TENM4: variants seen among roughly 807,000 people sequenced by gnomAD.
TENM4 encodes teneurin-4.
A neutral mutation model predicts 243.3 loss-of-function variants in TENM4; 82 were observed. That is an observed-to-expected ratio of 0.34 (90% CI 0.28 to 0.40). The LOEUF (loss-of-function observed/expected upper bound fraction) is 0.40, where lower values mean the gene tolerates loss of function less well. TENM4 is among the 10% of genes least tolerant of loss of function. The pLI, the probability that TENM4 is intolerant of heterozygous loss-of-function variation, is 1.00. For synonymous variants in TENM4, 1,412 were observed against 1,456.3 expected, an observed-to-expected ratio of 0.97 and a Z score of 0.69; for missense variants, 3,138 against 3,673.3, an observed-to-expected ratio of 0.85 and a Z score of 3.77.
chr11:78,879,081 G>A (rs1229321949), intron 9 of TENM4, among the ~76,000 whole-genome samples: 2 of 151,734 alleles, frequency 1.3e-5, no homozygotes, highest in Non-Finnish European at 2.9e-5. Flanking sequence ...CTGCCCGGCT[G>A]CCCCAAATGG....
intron 3 of TENM4, among the ~76,000 whole-genome samples, chr11:79,157,106 G>C (rs938093600): frequency 6.6e-6 from 1 of 152,174 alleles, no homozygotes; most frequent in African/African-American, 2.4e-5. Flanking sequence ...TGTAGTCAGA[G>C]AGGAGATGGG....
chr11:79,168,456 T>A (rs73506688), intron 3 of TENM4, among the ~76,000 whole-genome samples: 54,168 of 151,830 alleles, frequency 0.36, 10,127 homozygotes, highest in African/African-American at 0.45. Context: ...TACTTTCCCA[T>A]AGTGAAAAGT....
intron 1 of TENM4, among the ~76,000 whole-genome samples, chr11:79,424,420 G>A (rs902444785): frequency 3.9e-5 from 6 of 152,128 alleles, no homozygotes; most frequent in Non-Finnish European, 7.4e-5. Flanking sequence ...TGGACAACAT[G>A]GCAAAACCTA....
At chr11:78,958,697 C>A (rs936590770) in intron 6 of TENM4, among the ~76,000 whole-genome samples, 3 of 152,216 alleles carry the variant, frequency 2.0e-5, no homozygotes, top group African/African-American at 7.2e-5. Flanking sequence ...TGGGGTGATG[C>A]TGGAGAGTCC....
At chr11:78,952,182 C>G (rs909724873) in intron 6 of TENM4, among the ~76,000 whole-genome samples, 1 of 152,216 alleles carries the variant, frequency 6.6e-6, no homozygotes, top group African/African-American at 2.4e-5. Context: ...TGAGGGTCAA[C>G]AAGCCTCATT....
At chr11:79,261,266 G>C (rs768123935) in intron 2 of TENM4, among the ~76,000 whole-genome samples, 1 of 152,136 alleles carries the variant, frequency 6.6e-6, no homozygotes, top group African/African-American at 2.4e-5. Context: ...AAACTGAGCT[G>C]AACTAGCAGG....
At chr11:79,328,829 A>T (rs1857016349) in intron 1 of TENM4, among the ~76,000 whole-genome samples, 2 of 152,126 alleles carry the variant, frequency 1.3e-5, no homozygotes, top group Non-Finnish European at 2.9e-5. Context: ...AGCACCTCAC[A>T]GTTTCTTCTT....
At chr11:78,720,315 T>C (rs1387749541) in intron 25 of TENM4, 55 bp downstream of exon 25, 5 of 1,595,388 alleles carry the variant, frequency 3.1e-6, no homozygotes, top group Middle Eastern at 1.7e-4. Flanking sequence ...CAGCTTACCA[T>C]ACAGCATGCA....
At chr11:79,116,602 T>C (rs1042614593) in intron 4 of TENM4, among the ~76,000 whole-genome samples, 1 of 152,376 alleles carries the variant, frequency 6.6e-6, no homozygotes, top group Non-Finnish European at 1.5e-5. Context: ...CAGGGTTTTA[T>C]GTTGAACACA....
chr11:79,299,062 CCA>C (rs61589223), intron 1 of TENM4, among the ~76,000 whole-genome samples: 28,937 of 150,098 alleles, frequency 0.19, 3,198 homozygotes, highest in African/African-American at 0.31. Flanking sequence ...GGTGCTGTAT[CCA>C]CACACACACA....
In TENM4 at chr11:79,405,657, C is replaced by T. The variant is rs117990640; in HGVS notation, c.-321+34852G>A. ...CCCCCACCTTCCATTGTACCATAAA[C>T]GTTTCTCTACATCTCTACAGTTCCC... is the stretch of plus-strand genomic sequence containing the variant. On this transcript the variant is annotated intron_variant, in intron 1 of 33. Transcript: ENST00000278550. 5.3e-5 allele frequency among the ~76,000 whole-genome samples: 8 copies of T among 151,936 alleles called. 1 individual carries two copies. In the East Asian group the frequency reaches 1.4e-3, roughly 26 times the overall value.
chr11:79,226,770 A>G (rs576573520), intron 2 of TENM4, among the ~76,000 whole-genome samples: 12 of 152,236 alleles, frequency 7.9e-5, no homozygotes, highest in Admixed American at 4.6e-4. Context: ...TTCCTCATTT[A>G]TTCTATTCAG....
chr11:79,259,651 A>C (rs1855760844), intron 2 of TENM4, among the ~76,000 whole-genome samples: 1 of 125,114 alleles, frequency 8.0e-6, no homozygotes, highest in South Asian at 2.8e-4. Context: ...CCATCCATCC[A>C]TCCATCTATC....
At chr11:79,415,968 A>T (rs1443280580) in intron 1 of TENM4, among the ~76,000 whole-genome samples, 1 of 151,738 alleles carries the variant, frequency 6.6e-6, no homozygotes, top group Non-Finnish European at 1.5e-5. Context: ...TGTGAAATTT[A>T]ACATAAAAGG....
Position 78,669,618 on chromosome 11 carries a change from C to T in TENM4, c.6727G>A (p.Asp2243Asn), listed in dbSNP as rs1478910963. 8 of 1,613,820 alleles carry T rather than the reference C, an allele frequency of 5.0e-6. No homozygotes were observed. Among genetic ancestry groups the T allele is most frequent in the East Asian group, 2.2e-5 (1 of 44,886 alleles). The part of the protein sequence containing the change: ...RLTPLRYDIR[D>N]RITRLGDVQY... ...ACGTCACCCAGCCGAGTGATGCGGT[C>T]GCGGATGTCATACCGTAGTGGTGTG... is the stretch of plus-strand genomic sequence containing the variant. Residue 2243 changes from aspartate (D) to asparagine (N), a missense_variant, in exon 32 of 34, where the codon GAC (aspartate) becomes AAC (asparagine). Around this residue, in one of 2 missense-constraint regions of TENM4, gnomAD observed 2,467 missense variants for 3,059.1 expected, o/e 0.81. Coordinates refer to ENST00000278550, the MANE Select transcript of TENM4 (RefSeq NM_001098816.3). The surrounding 1 kb of genome is among the most constrained non-coding windows in gnomAD (Gnocchi z 6.4).
chr11:79,093,025 A>G (rs1860997375), intron 4 of TENM4: 1 of 152,232 alleles, frequency 6.6e-6, no homozygotes, highest in Admixed American at 6.5e-5. Context: ...TGCTATACTA[A>G]TTGTGCAATG....
chr11:78,974,182 A>G lies in TENM4; in HGVS notation c.494-70659T>C, dbSNP rs970934520. Reference sequence around the variant, plus strand: ...GGGACTGGTTTATTCATATGGCCACAGGCCACATGGTAATTCCACATATAG... The same window carrying G: ...GGGACTGGTTTATTCATATGGCCACGGGCCACATGGTAATTCCACATATAG... On this transcript the variant is annotated intron_variant, in intron 6 of 33. Transcript: ENST00000278550. Among the ~76,000 whole-genome samples the G allele has an allele frequency of 3.9e-5, 6 of 152,242 alleles. No individual in the cohort carries two copies. In the East Asian group the frequency reaches 1.2e-3, roughly 29 times the overall value.
At chr11:79,372,070 C>G (rs576185197) in intron 1 of TENM4, among the ~76,000 whole-genome samples, 1 of 152,268 alleles carries the variant, frequency 6.6e-6, no homozygotes, top group Non-Finnish European at 1.5e-5. Flanking sequence ...CTCTATCCCC[C>G]TCGTGTATAG....
At chr11:78,758,678 T>C (rs1540125) in intron 18 of TENM4, among the ~76,000 whole-genome samples, 121,330 of 152,192 alleles carry the variant, frequency 0.8, 48,846 homozygotes, top group Non-Finnish European at 0.84. Context: ...AGCTACTTGA[T>C]TGTCCTAAAA....
Sources: allele counts gnomAD v4.1 joint callset (sites outside exome capture counted in the v4.1 genomes callset), GRCh38; gene constraint gnomAD v4.1.1; regional missense constraint gnomAD v4.1.1; non-coding constraint Gnocchi (gnomAD v3.1); transcripts MANE v1.5; gene names NCBI Gene and HGNC (gene_info 2026-07-23, HGNC 2026-07-21).